FTO: variants seen among roughly 807,000 people sequenced by gnomAD.
FTO encodes alpha-ketoglutarate-dependent dioxygenase FTO.
A neutral mutation model predicts 63.9 loss-of-function variants in FTO; 47 were observed. That is an observed-to-expected ratio of 0.74 (90% confidence interval 0.58 to 0.94). The LOEUF (loss-of-function observed/expected upper bound fraction) is 0.94, where lower values mean the gene tolerates loss of function less well. Ranked by LOEUF, FTO falls within the 40% of genes least tolerant of loss-of-function variation. The pLI is 0.00. For missense variants in FTO, 562 were observed against 618.1 expected (o/e 0.91, Z 0.96); for synonymous variants, 207 against 224.4 (o/e 0.92, Z 0.69).
intron 8 of FTO, chr16:54,040,309 G>GA (rs1273861121): frequency 3.3e-5 from 5 of 152,030 alleles, no homozygotes; most frequent in Non-Finnish European, 7.4e-5. Flanking sequence ...ATGGGATGAA[G>GA]AAAAAATCAT....
At chr16:53,878,950 G>A (rs138726299) in intron 5 of FTO, among the ~76,000 whole-genome samples, 1 of 152,204 alleles carries the variant, frequency 6.6e-6, no homozygotes, top group African/African-American at 2.4e-5. Flanking sequence ...ACTGCCTAGT[G>A]TATGCTTTTT....
At chr16:53,890,851 C>G (rs2081126034) in intron 7 of FTO, among the ~76,000 whole-genome samples, 1 of 152,130 alleles carries the variant, frequency 6.6e-6, no homozygotes, top group East Asian at 1.9e-4. Context: ...CTGTGTAATT[C>G]TGATTTTGTC....
chr16:54,103,238 TA>T (rs2086677751), intron 8 of FTO, among the ~76,000 whole-genome samples: 2 of 152,152 alleles, frequency 1.3e-5, no homozygotes, highest in African/African-American at 2.4e-5. Context: ...GCACTTCAGG[TA>T]TATTTGGCAG....
chr16:54,004,867 A>G (rs115252561), intron 8 of FTO, among the ~76,000 whole-genome samples: 2,185 of 152,028 alleles, frequency 0.014, 52 homozygotes, highest in African/African-American at 0.05. Flanking sequence ...TGAGGAGATC[A>G]AGACCATCCT....
chr16:54,034,832 G>T (rs1432289698), intron 8 of FTO, among the ~76,000 whole-genome samples: 5 of 152,156 alleles, frequency 3.3e-5, no homozygotes, highest in Admixed American at 2.6e-4. Context: ...ATTAAAGCTG[G>T]TCTCTGTAAC....
chr16:53,796,225 G>T (rs767351127), intron 1 of FTO, among the ~76,000 whole-genome samples: 8 of 151,968 alleles, frequency 5.3e-5, no homozygotes, highest in Non-Finnish European at 1.0e-4. Context: ...TGAATTTTTA[G>T]TAGAGATGGG....
intron 1 of FTO, among the ~76,000 whole-genome samples, chr16:53,789,008 C>T (rs1002767293): frequency 2.6e-5 from 4 of 152,152 alleles, no homozygotes; most frequent in East Asian, 1.9e-4. Flanking sequence ...TATAGTCATG[C>T]ACCTTAAAAT....
rs1111484 is a variant in FTO, at chr16:53,959,280, T to C, written c.1364+25171T>C. 6.3e-3 allele frequency among the ~76,000 whole-genome samples: 952 copies of C among 152,272 alleles called. 14 individuals carry two copies. Among genetic ancestry groups the C allele is most frequent in the African/African-American group, 0.02 (829 of 41,562 alleles). On this transcript the variant is annotated intron_variant, in intron 8 of 8. Transcript: ENST00000471389. ...GGCCAGTGGTTCTGTAATTTTAGCA[T>C]TAGAATCACCTGTGGGCTTGTGAAA...
chr16:54,048,635 G>A (rs1470251885), intron 8 of FTO, among the ~76,000 whole-genome samples: 4 of 152,148 alleles, frequency 2.6e-5, no homozygotes, highest in Non-Finnish European at 4.4e-5. Flanking sequence ...GGGATGCCAC[G>A]TCATTAATAA....
intron 1 of FTO, among the ~76,000 whole-genome samples, chr16:53,763,234 A>C (rs990659330): frequency 1.3e-5 from 2 of 150,922 alleles, no homozygotes; most frequent in Non-Finnish European, 2.9e-5. Context: ...CCCTGTGCCC[A>C]GTATTTTATA....
chr16:54,055,432 A>G (rs1044664781), intron 8 of FTO, among the ~76,000 whole-genome samples: 3 of 152,232 alleles, frequency 2.0e-5, no homozygotes, highest in African/African-American at 2.4e-5. Flanking sequence ...TGCCTTATCT[A>G]TGGCAACGAG....
At chr16:54,019,620 C>G (rs1212575167) in intron 8 of FTO, among the ~76,000 whole-genome samples, 1 of 109,924 alleles carries the variant, frequency 9.1e-6, no homozygotes, top group Non-Finnish European at 1.7e-5. Flanking sequence ...AAACCAGGAA[C>G]ACCTCGGTTT....
In FTO at chr16:53,844,232, T is replaced by C; in HGVS notation, c.829T>C (p.Ser277Pro). 6.2e-7 allele frequency: 1 copy of C among 1,613,362 alleles called. No individual in the cohort carries two copies. Among genetic ancestry groups the C allele is most frequent in the South Asian group, 1.1e-5 (1 of 91,074 alleles). ...PDIWHVGFKI[S>P]WDIETPGLAI... Reference sequence around the variant, plus strand: ...TATTTGGCATGTTGGTTTTAAGATCTCATGGGACATAGAGACACCTGGTTT... The same window carrying C: ...TATTTGGCATGTTGGTTTTAAGATCCCATGGGACATAGAGACACCTGGTTT... The change falls in exon 4 of 9, where the codon TCA becomes CCA. Residue 277 changes from serine (S) to proline (P), a missense_variant. Transcript: ENST00000471389.
intron 7 of FTO, among the ~76,000 whole-genome samples, chr16:53,901,761 C>T (rs1457295283): frequency 6.6e-6 from 1 of 152,160 alleles, no homozygotes; most frequent in Non-Finnish European, 1.5e-5. Flanking sequence ...TTTTCCCTCT[C>T]TATGTGATGC....
intron 8 of FTO, among the ~76,000 whole-genome samples, chr16:54,104,241 G>A (rs1304231347): frequency 6.6e-6 from 1 of 151,686 alleles, no homozygotes. Flanking sequence ...ATTATTTCCT[G>A]CTGATCTGGC....
intron 7 of FTO, among the ~76,000 whole-genome samples, chr16:53,916,394 G>A (rs552670926): frequency 1.8e-3 from 271 of 152,092 alleles, no homozygotes; most frequent in Admixed American, 2.7e-3. Flanking sequence ...ATCACCGTTG[G>A]AATGATATAA....
intron 4 of FTO, among the ~76,000 whole-genome samples, chr16:53,862,141 A>G (rs892754927): frequency 6.6e-6 from 1 of 152,154 alleles, no homozygotes; most frequent in African/African-American, 2.4e-5. Context: ...CCAGCTACTC[A>G]GGAGGCTGAG....
intron 8 of FTO, among the ~76,000 whole-genome samples, chr16:54,105,046 C>A (rs945023050): frequency 6.6e-6 from 1 of 152,024 alleles, no homozygotes; most frequent in Non-Finnish European, 1.5e-5. Flanking sequence ...TTCACATAAC[C>A]CGGTAAAGCA....
At chr16:53,827,820 C>A (rs775496019) in intron 3 of FTO, among the ~76,000 whole-genome samples, 1 of 152,118 alleles carries the variant, frequency 6.6e-6, no homozygotes, top group African/African-American at 2.4e-5. Context: ...TAAGGACTTG[C>A]CAGGGATTTA....
Sources: allele counts gnomAD v4.1 joint callset (sites outside exome capture counted in the v4.1 genomes callset), GRCh38; gene constraint gnomAD v4.1.1; transcripts MANE v1.5; gene names NCBI Gene and HGNC (gene_info 2026-07-23, HGNC 2026-07-21).